TAFA1: variants seen among roughly 807,000 people sequenced by gnomAD.
TAFA1 encodes the protein chemokine-like protein TAFA-1.
A neutral mutation model predicts 18.5 loss-of-function variants in TAFA1; 4 were observed. The observed-to-expected ratio is 0.22, with a 90% CI of 0.11 to 0.49. The LOEUF (loss-of-function observed/expected upper bound fraction) is 0.49. TAFA1 is among the 20% of genes least tolerant of loss of function. The pLI is 0.98. For synonymous variants in TAFA1, 56 were observed against 55.2 expected (o/e 1.01, Z -0.06); for missense variants, 147 against 169.0 (o/e 0.87, Z 0.72).
At chr3:68,188,799 T>G (rs2066302783) in intron 2 of TAFA1, among the ~76,000 whole-genome samples, 1 of 151,946 alleles carries the variant, frequency 6.6e-6, no homozygotes, top group Admixed American at 6.6e-5. Flanking sequence ...ACATTTTATG[T>G]GATGCTTCTT....
intron 2 of TAFA1, among the ~76,000 whole-genome samples, chr3:68,375,170 C>T (rs1298445340): frequency 1.3e-5 from 2 of 152,078 alleles, no homozygotes; most frequent in Non-Finnish European, 2.9e-5. Context: ...AGCCTTCTAG[C>T]CTCATTTTTC....
intron 2 of TAFA1, among the ~76,000 whole-genome samples, chr3:68,391,040 G>T (rs2070229779): frequency 6.6e-6 from 1 of 152,142 alleles, no homozygotes; most frequent in African/African-American, 2.4e-5. Context: ...GGCTTCAGAA[G>T]GTGGGTAATA....
At chr3:68,087,813 C>T (rs1436844037) in intron 2 of TAFA1, among the ~76,000 whole-genome samples, 5 of 151,760 alleles carry the variant, frequency 3.3e-5, no homozygotes, top group African/African-American at 9.7e-5. Context: ...GTGAATGTCC[C>T]CTGAATTATA....
rs780205455 is a variant in TAFA1 at position 68,147,039 on chromosome 3, G to GTGTGTGTA, written c.118+140296_118+140297insGTGTGTAT. Among the ~76,000 whole-genome samples the GTGTGTGTA allele has an allele frequency of 6.1e-5, 9 of 148,308 alleles. No homozygotes were observed. The East Asian group carries it at 1.8e-3, about 29-fold the overall frequency. On this transcript the variant is annotated intron_variant, in intron 2 of 4. Transcript: ENST00000478136. ...TATATATGTGTGTGTGTGTGTGTGT[G>GTGTGTGTA]TATATATATATATATATATTCTATA...
chr3:68,339,472 G>T (rs918490451), intron 2 of TAFA1, among the ~76,000 whole-genome samples: 1 of 152,078 alleles, frequency 6.6e-6, no homozygotes, highest in Non-Finnish European at 1.5e-5. Flanking sequence ...CAAAGTTAAG[G>T]TTCATTTATT....
In TAFA1 at chr3:68,237,988, A is replaced by AT. The variant is rs575458202; in HGVS notation, c.119-179279dup. On this transcript the variant is annotated intron_variant, in intron 2 of 4. Transcript: ENST00000478136. ...TGCTTTTGGTCATTTGCTTTTTGTT[A>AT]TTTTTTTTTTTTTCCTTTTTCCATG... Among the ~76,000 whole-genome samples the AT allele has an allele frequency of 2.6e-3, 372 of 142,948 alleles. 1 individual carries two copies. The highest frequency in any genetic ancestry group is 0.015 in the Middle Eastern group (4 of 274). 93.8% of individuals were successfully genotyped at this position (142,948 alleles called of 152,430 possible).
chr3:68,192,717 AT>A (rs916635035), intron 2 of TAFA1: 1 of 151,830 alleles, frequency 6.6e-6, no homozygotes, highest in African/African-American at 2.4e-5. Flanking sequence ...GTATTAAAAA[AT>A]AAAATAAAAT....
intron 3 of TAFA1, among the ~76,000 whole-genome samples, chr3:68,482,343 C>T (rs1259893619): frequency 6.6e-6 from 1 of 152,120 alleles, no homozygotes; most frequent in East Asian, 1.9e-4. Context: ...ATATCAGGCA[C>T]TGTATTTGGA....
chr3:68,251,947 G>A (rs1162614554), intron 2 of TAFA1, among the ~76,000 whole-genome samples: 3 of 152,088 alleles, frequency 2.0e-5, no homozygotes, highest in Non-Finnish European at 4.4e-5. Context: ...CCCATCATCG[G>A]GACTCACACT....
At chr3:68,008,486 A>G (rs1248822184) in intron 2 of TAFA1, among the ~76,000 whole-genome samples, 1 of 152,214 alleles carries the variant, frequency 6.6e-6, no homozygotes, top group Non-Finnish European at 1.5e-5. Flanking sequence ...TTTAATCCTT[A>G]TGCAAGTGGG....
At chr3:68,008,296 A>C (rs539595646) in intron 2 of TAFA1, among the ~76,000 whole-genome samples, 15 of 152,366 alleles carry the variant, frequency 9.8e-5, no homozygotes, top group Middle Eastern at 6.8e-3. Context: ...CTTTACCTCC[A>C]ATCACTTAAT....
At chr3:68,236,217 T>A (rs2066925643) in intron 2 of TAFA1, among the ~76,000 whole-genome samples, 1 of 152,210 alleles carries the variant, frequency 6.6e-6, no homozygotes, top group Non-Finnish European at 1.5e-5. Context: ...AGGTGGACAT[T>A]CTGAGCCATT....
intron 2 of TAFA1, among the ~76,000 whole-genome samples, chr3:68,133,420 TG>T (rs1457198727): frequency 3.7e-4 from 56 of 152,298 alleles, no homozygotes; most frequent in African/African-American, 1.2e-3. Context: ...AATGGTAGCT[TG>T]ATGAGGATAG....
intron 2 of TAFA1, among the ~76,000 whole-genome samples, chr3:68,246,646 T>C (rs1429962397): frequency 7.1e-6 from 1 of 140,828 alleles, no homozygotes; most frequent in Non-Finnish European, 1.5e-5. Context: ...AACTACGGAC[T>C]TCATTGGTCT....
At chr3:68,204,081 G>T (rs1402276791) in intron 2 of TAFA1, among the ~76,000 whole-genome samples, 1 of 150,696 alleles carries the variant, frequency 6.6e-6, no homozygotes, top group African/African-American at 2.4e-5. Context: ...GGAGCTTTTT[G>T]CCCTGGTATA....
At chr3:68,139,468 C>T (rs1436495594) in intron 2 of TAFA1, among the ~76,000 whole-genome samples, 2 of 152,122 alleles carry the variant, frequency 1.3e-5, no homozygotes, top group Non-Finnish European at 2.9e-5. Context: ...TATTGATTCA[C>T]TTTGGGCACA....
At chr3:68,344,400 T>G (rs1483815344) in intron 2 of TAFA1, among the ~76,000 whole-genome samples, 2 of 152,176 alleles carry the variant, frequency 1.3e-5, no homozygotes, top group African/African-American at 4.8e-5. Context: ...TTTGTGGAAG[T>G]AAATTATGAA....
At chr3:68,198,221 G>A (rs1378051084) in intron 2 of TAFA1, among the ~76,000 whole-genome samples, 2 of 151,430 alleles carry the variant, frequency 1.3e-5, no homozygotes, top group African/African-American at 2.4e-5. Context: ...TTTCTTTTTA[G>A]CACGTAATAA....
At chr3:68,319,803 A>G (rs2068668723) in intron 2 of TAFA1, among the ~76,000 whole-genome samples, 1 of 152,230 alleles carries the variant, frequency 6.6e-6, no homozygotes. Context: ...CCTTTACTCC[A>G]GTTTAGTATT....
Sources: allele counts gnomAD v4.1 joint callset (sites outside exome capture counted in the v4.1 genomes callset), GRCh38; gene constraint gnomAD v4.1.1; transcripts MANE v1.5; gene names NCBI Gene and HGNC (gene_info 2026-07-23, HGNC 2026-07-21).